The following ACER3 variants were observed in gnomAD, a reference collection of about 807,000 sequenced individuals.
ACER3 encodes the protein alkCDase 3.
In ACER3, 16 loss-of-function variants were observed where a neutral mutation model predicts 48.9. The observed-to-expected ratio is 0.33, with a 90% CI of 0.22 to 0.50. ACER3 has a LOEUF of 0.50. ACER3 is among the 20% of genes least tolerant of loss of function. ACER3 has a pLI of 0.98. For missense variants in ACER3, 227 were observed against 326.0 expected (o/e 0.70, Z 2.34); for synonymous variants, 109 against 107.8 (o/e 1.01, Z -0.07).
At chr11:76,964,383 G>C (rs1200469045) in intron 3 of ACER3, among the ~76,000 whole-genome samples, 6 of 151,392 alleles carry the variant, frequency 4.0e-5, no homozygotes, top group Admixed American at 3.9e-4. Context: ...CTCCACCTCT[G>C]GGGGCAGGGA....
At chr11:76,996,398 CATTATTATT>C (rs113842907) in intron 6 of ACER3, among the ~76,000 whole-genome samples, 83,927 of 146,534 alleles carry the variant, frequency 0.57, 26,322 homozygotes, top group Non-Finnish European at 0.73. Flanking sequence ...ATTGGCTTTC[CATTATTATT>C]ATTATTATTA....
chr11:76,970,122 A>G (rs1355684987), intron 3 of ACER3, among the ~76,000 whole-genome samples: 1 of 151,942 alleles, frequency 6.6e-6, no homozygotes, highest in Non-Finnish European at 1.5e-5. Flanking sequence ...TTTTAACCTT[A>G]ATCATGGGCA....
intron 1 of ACER3, among the ~76,000 whole-genome samples, chr11:76,874,818 C>G (rs1230262863): frequency 6.6e-6 from 1 of 152,144 alleles, no homozygotes; most frequent in African/African-American, 2.4e-5. Context: ...CCTTTTCTCC[C>G]TCCCTTCTTT....
chr11:76,976,180 C>T (rs1190390399), intron 3 of ACER3, 109 bp from the exon 4 acceptor site: 4 of 837,594 alleles, frequency 4.8e-6, no homozygotes, highest in South Asian at 1.5e-5. Flanking sequence ...AGCCTCTGTG[C>T]CTGGTCTAAG....
intron 2 of ACER3, among the ~76,000 whole-genome samples, chr11:76,940,710 T>A (rs555617606): frequency 3.9e-5 from 6 of 152,324 alleles, no homozygotes; most frequent in Admixed American, 3.3e-4. Flanking sequence ...ATTCTTACTT[T>A]TTGGATTGCA....
intron 7 of ACER3, among the ~76,000 whole-genome samples, chr11:77,000,103 C>T (rs1311574945): frequency 6.6e-6 from 1 of 152,178 alleles, no homozygotes; most frequent in Non-Finnish European, 1.5e-5. Context: ...AGTTTCTTTG[C>T]ATCCTCACCA....
intron 1 of ACER3, among the ~76,000 whole-genome samples, chr11:76,883,813 A>C (rs1173615015): frequency 1.3e-5 from 2 of 152,108 alleles, no homozygotes; most frequent in African/African-American, 4.8e-5. Flanking sequence ...GATATTGTTG[A>C]GTGAATAGAT....
intron 1 of ACER3, among the ~76,000 whole-genome samples, chr11:76,920,690 G>A (rs993430687): frequency 6.8e-6 from 1 of 147,980 alleles, no homozygotes; most frequent in Non-Finnish European, 1.5e-5. Flanking sequence ...AGGCTGCAGT[G>A]CAGTGGTGTG....
At chr11:77,005,531 C>G (rs1433113117) in intron 7 of ACER3, among the ~76,000 whole-genome samples, 1 of 152,082 alleles carries the variant, frequency 6.6e-6, no homozygotes, top group East Asian at 1.9e-4. Flanking sequence ...GTTCTAGAGG[C>G]TAGAAGTCCC....
chr11:76,917,531 TAAG>T (rs1426485702), intron 1 of ACER3, among the ~76,000 whole-genome samples: 2 of 150,906 alleles, frequency 1.3e-5, no homozygotes, highest in East Asian at 2.0e-4. Context: ...CTGAGCAACA[TAAG>T]AAGACCTCGT....
chr11:76,939,811 A>G (rs1010205237), intron 2 of ACER3, among the ~76,000 whole-genome samples: 4 of 152,196 alleles, frequency 2.6e-5, no homozygotes, highest in Non-Finnish European at 4.4e-5. Context: ...CAAATAATTC[A>G]TCTTGAATTG....
intron 1 of ACER3, among the ~76,000 whole-genome samples, chr11:76,875,971 T>A (rs2134553353): frequency 6.6e-6 from 1 of 152,244 alleles, no homozygotes; most frequent in Admixed American, 6.5e-5. Context: ...TTTTTTCATT[T>A]TTTTGTAGAG....
At chr11:76,896,247 AC>A (rs1945925367) in intron 1 of ACER3, among the ~76,000 whole-genome samples, 1 of 152,202 alleles carries the variant, frequency 6.6e-6, no homozygotes, top group South Asian at 2.1e-4. Context: ...TTACACAGGT[AC>A]TATTCATTGG....
At chr11:76,927,617 AC>A (rs757638562) in intron 2 of ACER3, among the ~76,000 whole-genome samples, 1 of 145,426 alleles carries the variant, frequency 6.9e-6, no homozygotes, top group South Asian at 2.2e-4. Context: ...CCCTTCCCCC[AC>A]CCCACAACAG....
Position 77,023,797 on chromosome 11 carries a change from G to A in ACER3, c.*3470G>A, listed in dbSNP as rs782319035. ...CTAACTATTTAAAAATAATGGGCCG[G>A]GCGCGGTGGCTCATGCCTGTAATCC... On this transcript the variant is annotated 3_prime_UTR_variant, in exon 11 of 11. Transcript: ENST00000532485. 6.6e-6 allele frequency: 1 copy of A among 152,160 alleles called. No individual in the cohort carries two copies. Among genetic ancestry groups the A allele is most frequent in the African/African-American group, 2.4e-5 (1 of 41,404 alleles). 9.4% of individuals were successfully genotyped at this position (152,160 alleles called of 1,614,324 possible). A position where few individuals can be genotyped will look rare whatever the true frequency, so the allele number is the denominator to read the frequency against.
chr11:76,942,599 A>C (rs1351409420), intron 2 of ACER3, among the ~76,000 whole-genome samples: 1 of 151,722 alleles, frequency 6.6e-6, no homozygotes, highest in Non-Finnish European at 1.5e-5. Flanking sequence ...TATTTTGTTG[A>C]GGTTTTTTAT....
rs375340973 is a variant in ACER3, at chr11:77,008,424, A to G, written c.498-6592A>G. Among the ~76,000 whole-genome samples, 229 of 152,366 alleles carry G rather than the reference A, an allele frequency of 1.5e-3. 1 individual carries two copies. The highest frequency in any genetic ancestry group is 3.4e-3 in the Middle Eastern group (1 of 294). ...CTTTAAAAAGCACTTAACAGTGGCAATCCTATGAAATAAAAGCAACTTTCT... is the reference window on the plus strand; with the variant it reads ...CTTTAAAAAGCACTTAACAGTGGCAGTCCTATGAAATAAAAGCAACTTTCT... On this transcript the variant is annotated intron_variant, in intron 7 of 10. Coordinates refer to ENST00000532485, the MANE Select transcript of ACER3 (RefSeq NM_018367.7).
chr11:76,938,968 G>C (rs1330846637), intron 2 of ACER3, among the ~76,000 whole-genome samples: 6 of 23,122 alleles, frequency 2.6e-4, no homozygotes, highest in Non-Finnish European at 6.3e-4. Flanking sequence ...GTAAGAAAGT[G>C]CTAAAAAAAA....
At chr11:76,903,243 A>G (rs971291832) in intron 1 of ACER3, among the ~76,000 whole-genome samples, 2 of 152,176 alleles carry the variant, frequency 1.3e-5, no homozygotes, top group Admixed American at 1.3e-4. Context: ...AGAGTCAACT[A>G]TATGTGTTAT....
Sources: allele counts gnomAD v4.1 joint callset (sites outside exome capture counted in the v4.1 genomes callset), GRCh38; gene constraint gnomAD v4.1.1; transcripts MANE v1.5; gene names NCBI Gene and HGNC (gene_info 2026-07-23, HGNC 2026-07-21).